Variants in ADAMTS2 observed in about 807,000 individuals in gnomAD.
ADAMTS2 encodes the protein A disintegrin and metalloproteinase with thrombospondin motifs 2.
ADAMTS2 carries 50 observed loss-of-function variants against 123.0 expected under a neutral mutation model. The ratio of observed to expected loss-of-function variants is 0.41; its 90% CI spans 0.32 to 0.51. ADAMTS2 has a LOEUF of 0.51. ADAMTS2 is among the 20% of genes least tolerant of loss of function. The pLI, the probability that ADAMTS2 is intolerant of heterozygous loss-of-function variation, is 0.35. For missense variants in ADAMTS2, 1,494 were observed against 1,705.2 expected, an observed-to-expected ratio of 0.88 and a Z score of 2.18; for synonymous variants, 678 against 695.4, an observed-to-expected ratio of 0.98 and a Z score of 0.39.
chr5:179,318,397 G>A (rs73808260), intron 2 of ADAMTS2, among the ~76,000 whole-genome samples: 2,421 of 151,404 alleles, frequency 0.016, 56 homozygotes, highest in African/African-American at 0.056. Context: ...GCTAGACAGG[G>A]GATGGGGAGA....
intron 2 of ADAMTS2, among the ~76,000 whole-genome samples, chr5:179,336,872 C>T (rs762658546): frequency 5.3e-5 from 8 of 152,198 alleles, no homozygotes; most frequent in African/African-American, 1.9e-4. Context: ...TGGGTTAACC[C>T]GTGAAATGCA....
At chr5:179,230,119 A>G (rs1765374069) in intron 3 of ADAMTS2, among the ~76,000 whole-genome samples, 1 of 152,238 alleles carries the variant, frequency 6.6e-6, no homozygotes, top group Non-Finnish European at 1.5e-5. Flanking sequence ...TTGGCCTGCC[A>G]GAGGAAACAT....
At chr5:179,251,243 G>A (rs1477566334) in intron 3 of ADAMTS2, among the ~76,000 whole-genome samples, 1 of 152,082 alleles carries the variant, frequency 6.6e-6, no homozygotes, top group African/African-American at 2.4e-5. Context: ...CATCCACACG[G>A]TACTGGAAGC....
chr5:179,222,891 G>C (rs1443820941), intron 3 of ADAMTS2, among the ~76,000 whole-genome samples: 1 of 152,160 alleles, frequency 6.6e-6, no homozygotes, highest in Admixed American at 6.5e-5. Context: ...GCTTCTCCCA[G>C]GGCAGGAGCA....
chr5:179,189,971 A>G lies in ADAMTS2; in HGVS notation c.892-8816T>C, dbSNP rs1018011868. Among the ~76,000 whole-genome samples the G allele has an allele frequency of 6.6e-6, 1 of 152,116 alleles. No individual in the cohort carries two copies. On this transcript the variant is annotated intron_variant, in intron 4 of 21. Transcript: ENST00000251582. This position sits in a 1 kb window ranked among gnomAD's most constrained non-coding sequence, Gnocchi z 4.2. ...AGAGGGTGTATTGTTCACAAATTCA[A>G]TTGATTGATCAGCTAGGGTGGGGCA...
At chr5:179,152,511 G>A (rs917241064) in intron 9 of ADAMTS2, among the ~76,000 whole-genome samples, 3 of 152,224 alleles carry the variant, frequency 2.0e-5, no homozygotes, top group Non-Finnish European at 2.9e-5. Context: ...GGAGCCTGGC[G>A]GGCAGCTGGG....
At chr5:179,211,012 C>T (rs1014601306) in intron 3 of ADAMTS2, among the ~76,000 whole-genome samples, 2 of 152,238 alleles carry the variant, frequency 1.3e-5, no homozygotes, top group African/African-American at 4.8e-5. Flanking sequence ...GTGGGCCTGG[C>T]GTGGTCCTGA....
intron 3 of ADAMTS2, among the ~76,000 whole-genome samples, chr5:179,257,921 C>A (rs1379870901): frequency 6.6e-6 from 1 of 152,204 alleles, no homozygotes; most frequent in Non-Finnish European, 1.5e-5. Flanking sequence ...AAATCAATTT[C>A]CAGCTTCTCT....
At chr5:179,122,622 G>A in intron 20 of ADAMTS2, 22 bp downstream of exon 20, 1 of 1,548,802 alleles carries the variant, frequency 6.5e-7, no homozygotes, top group South Asian at 1.2e-5. Context: ...GGGAGCAGGG[G>A]CAGGGGCTGC....
chr5:179,148,681 G>A (rs189943876), intron 10 of ADAMTS2, among the ~76,000 whole-genome samples: 1 of 152,232 alleles, frequency 6.6e-6, no homozygotes, highest in East Asian at 1.9e-4. Flanking sequence ...TCCTCGCTCG[G>A]GCAAGCCCCA....
intron 2 of ADAMTS2, among the ~76,000 whole-genome samples, chr5:179,286,225 A>AC (rs1323634938): frequency 3.3e-5 from 5 of 150,984 alleles, no homozygotes; most frequent in Non-Finnish European, 7.4e-5. Flanking sequence ...TCAAAAAAAA[A>AC]AAAAAAAAAA....
At chr5:179,310,670 C>A (rs1345024313) in intron 2 of ADAMTS2, among the ~76,000 whole-genome samples, 1 of 152,176 alleles carries the variant, frequency 6.6e-6, no homozygotes, top group African/African-American at 2.4e-5. Context: ...CCCATCCAGA[C>A]CAGCTGAACT....
At chr5:179,213,320 A>G (rs911237074) in intron 3 of ADAMTS2, among the ~76,000 whole-genome samples, 1 of 151,896 alleles carries the variant, frequency 6.6e-6, no homozygotes, top group African/African-American at 2.4e-5. Flanking sequence ...TTCCTGTGAC[A>G]CTCCACTGCA....
intron 10 of ADAMTS2, among the ~76,000 whole-genome samples, chr5:179,144,615 G>C (rs899017348): frequency 6.6e-6 from 1 of 152,206 alleles, no homozygotes; most frequent in African/African-American, 2.4e-5. Flanking sequence ...CTTTACATTT[G>C]ATAAGTTAAA....
At chr5:179,154,267 G>A in intron 7 of ADAMTS2, 75 bp from the exon 8 acceptor site, 2 of 1,529,910 alleles carry the variant, frequency 1.3e-6, no homozygotes, top group South Asian at 2.4e-5. Flanking sequence ...CCGATGATAG[G>A]AGGGTGCCCC....
At chr5:179,209,104 C>T (rs747679299) in intron 3 of ADAMTS2, among the ~76,000 whole-genome samples, 3 of 152,220 alleles carry the variant, frequency 2.0e-5, no homozygotes, top group Non-Finnish European at 4.4e-5. Context: ...CCCCTGCAGG[C>T]GGCACGGCCA....
intron 3 of ADAMTS2, among the ~76,000 whole-genome samples, chr5:179,230,292 G>A (rs116756641): frequency 2.0e-5 from 3 of 152,192 alleles, no homozygotes; most frequent in African/African-American, 7.2e-5. Context: ...ACCAGAAAGT[G>A]CGGTCTGGAC....
At chr5:179,327,329 C>G (rs1047441666) in intron 2 of ADAMTS2, among the ~76,000 whole-genome samples, 3 of 151,678 alleles carry the variant, frequency 2.0e-5, no homozygotes, top group Non-Finnish European at 2.9e-5. Context: ...TTCATAGAGT[C>G]TCCAGGTTGT....
chr5:179,190,969 C>T (rs1764291428), intron 4 of ADAMTS2, among the ~76,000 whole-genome samples: 1 of 152,272 alleles, frequency 6.6e-6, no homozygotes, highest in African/African-American at 2.4e-5. Flanking sequence ...TGGAGCTCTC[C>T]CCGCTGGCTG....
Sources: allele counts gnomAD v4.1 joint callset (sites outside exome capture counted in the v4.1 genomes callset), GRCh38; gene constraint gnomAD v4.1.1; non-coding constraint Gnocchi (gnomAD v3.1); transcripts MANE v1.5; gene names NCBI Gene and HGNC (gene_info 2026-07-23, HGNC 2026-07-21).